The following CHD2 variants were observed in gnomAD, a reference collection of about 807,000 sequenced individuals.
CHD2 encodes the protein ATP-dependent chromatin remodeler CHD2.
CHD2 carries 28 observed loss-of-function variants against 243.9 expected under a neutral mutation model. The ratio of observed to expected loss-of-function variants is 0.11; its 90% CI spans 0.09 to 0.16. The LOEUF (loss-of-function observed/expected upper bound fraction) is 0.16, where lower values mean the gene tolerates loss of function less well. Ranked by LOEUF, CHD2 falls within the 10% of genes least tolerant of loss-of-function variation. The pLI is 1.00. For missense variants in CHD2, 1,386 were observed against 2,209.8 expected (o/e 0.63, Z 7.47); for synonymous variants, 775 against 779.0 (o/e 0.99, Z 0.09).
intron 2 of CHD2, among the ~76,000 whole-genome samples, chr15:92,920,775 C>T (rs895630584): frequency 6.6e-5 from 10 of 152,126 alleles, no homozygotes; most frequent in Admixed American, 3.3e-4. Flanking sequence ...AAACTAAATA[C>T]GTTATTTCAA....
chr15:93,027,714 C>T lies in CHD2; in HGVS notation c.*3009C>T, dbSNP rs1254031247. ...GTCTTCCGGCTCCTCTGAGGGCTGC[C>T]ACGTTGGGCGAGGGGAGCCATGCCA... On this transcript the variant is annotated 3_prime_UTR_variant, in exon 39 of 39. Coordinates refer to ENST00000394196, the MANE Select transcript of CHD2 (RefSeq NM_001271.4). 6.5e-6 allele frequency: 1 copy of T among 152,682 alleles called. No individual in the cohort carries two copies. Among genetic ancestry groups the T allele is most frequent in the Non-Finnish European group, 1.5e-5 (1 of 68,062 alleles). 9.5% of individuals were successfully genotyped at this position (152,682 alleles called of 1,614,324 possible). A position where few individuals can be genotyped will look rare whatever the true frequency, so the allele number is the denominator to read the frequency against.
intron 35 of CHD2, 30 bp downstream of exon 35, chr15:93,009,353 T>A: frequency 6.3e-7 from 1 of 1,599,780 alleles, no homozygotes; most frequent in East Asian, 2.2e-5. Flanking sequence ...CTGCCCAGTT[T>A]GATTTGACTG....
intron 17 of CHD2, among the ~76,000 whole-genome samples, chr15:92,968,463 T>G (rs535445993): frequency 6.6e-6 from 1 of 152,252 alleles, no homozygotes; most frequent in African/African-American, 2.4e-5. Context: ...AGTGTGACTT[T>G]AGAGGCAGAG....
chr15:92,953,176 A>G (rs527597625), intron 13 of CHD2, among the ~76,000 whole-genome samples, 181 bp from the exon 14 acceptor site: 1 of 152,294 alleles, frequency 6.6e-6, no homozygotes, highest in Admixed American at 6.5e-5. Flanking sequence ...TATGGTTTCT[A>G]CTTTCTTCCT....
chr15:92,945,703 T>C, intron 10 of CHD2, 118 bp from the exon 11 acceptor site: 1 of 602,754 alleles, frequency 1.7e-6, no homozygotes, highest in South Asian at 3.1e-5. Flanking sequence ...CCCATTTTTT[T>C]TTTTTCTTTT....
rs1392577379 is a variant in CHD2 at position 93,026,640 on chromosome 15, C to A, written c.*1935C>A. 4 of 152,304 alleles carry A rather than the reference C, an allele frequency of 2.6e-5. No homozygotes were observed. The highest frequency in any genetic ancestry group is 7.2e-5 in the African/African-American group (3 of 41,476). 9.4% of individuals were successfully genotyped at this position (152,304 alleles called of 1,614,324 possible). On this transcript the variant is annotated 3_prime_UTR_variant, in exon 39 of 39. Transcript: ENST00000394196. The stretch of plus-strand genomic sequence containing the variant: ...CCCATGGAGGGCCTGCCGTGACGCT[C>A]AGTGGAGAGGGCAGGGCCTGTGTCT...
chr15:92,951,656 G>A (rs2053555975), intron 13 of CHD2, among the ~76,000 whole-genome samples: 1 of 152,114 alleles, frequency 6.6e-6, no homozygotes, highest in African/African-American at 2.4e-5. Flanking sequence ...CATTTTCTAG[G>A]GGCAGGAAAT....
Position 92,943,073 on chromosome 15 carries a change from A to G in CHD2, c.1052+5A>G, listed in dbSNP as rs2053407371. Reference sequence around the variant, plus strand: ...AGAGGACGAAATCAAACAATGGTATATTTTCCATCATGGATTAAAGAAATG... The same window carrying G: ...AGAGGACGAAATCAAACAATGGTATGTTTTCCATCATGGATTAAAGAAATG... On this transcript the variant is annotated splice_donor_5th_base_variant and intron_variant, in intron 9 of 38. Coordinates refer to ENST00000394196, the MANE Select transcript of CHD2 (RefSeq NM_001271.4). 1.3e-6 allele frequency: 2 copies of G among 1,598,258 alleles called. No individual in the cohort carries two copies. Among genetic ancestry groups the G allele is most frequent in the South Asian group, 1.1e-5 (1 of 90,660 alleles).
chr15:93,015,936 A>G (rs2141889659), intron 37 of CHD2, among the ~76,000 whole-genome samples: 1 of 152,346 alleles, frequency 6.6e-6, no homozygotes, highest in Non-Finnish European at 1.5e-5. Flanking sequence ...CATTATGGAA[A>G]ACAATGCAGA....
rs558895083 is a variant in CHD2, at chr15:92,943,079, C to T, written c.1052+11C>T. 41 of 1,591,446 alleles carry T rather than the reference C, an allele frequency of 2.6e-5. No individual in the cohort carries two copies. In the South Asian group the frequency reaches 4.2e-4, roughly 16 times the overall value. On this transcript the variant is annotated intron_variant, in intron 9 of 38. Transcript: ENST00000394196. ...CGAAATCAAACAATGGTATATTTTC[C>T]ATCATGGATTAAAGAAATGTATTTG...
chr15:92,961,985 GATTATC>G (rs1433706283), intron 16 of CHD2, among the ~76,000 whole-genome samples: 2 of 140,428 alleles, frequency 1.4e-5, no homozygotes, highest in African/African-American at 5.2e-5. Flanking sequence ...AGTTTCAAGT[GATTATC>G]CTGCCTCAGC....
At chr15:92,918,813 A>G (rs986077526) in intron 2 of CHD2, among the ~76,000 whole-genome samples, 6 of 151,636 alleles carry the variant, frequency 4.0e-5, no homozygotes, top group African/African-American at 1.5e-4. Context: ...ACACACATAT[A>G]TACACATATA....
intron 2 of CHD2, among the ~76,000 whole-genome samples, chr15:92,909,919 G>C (rs973499608): frequency 6.6e-6 from 1 of 151,068 alleles, no homozygotes; most frequent in Non-Finnish European, 1.5e-5. Context: ...TCTGGGTAAG[G>C]GACTGTTTTA....
At chr15:93,024,345 C>G (rs373895666) in intron 38 of CHD2, 27 bp from the exon 39 acceptor site, 53 of 1,590,310 alleles carry the variant, frequency 3.3e-5, no homozygotes, top group Non-Finnish European at 4.5e-5. Context: ...TTCAGTCTTT[C>G]GACTAATCCT....
intron 38 of CHD2, chr15:93,020,664 C>T (rs2054523941): frequency 3.1e-6 from 1 of 319,244 alleles, no homozygotes; most frequent in South Asian, 5.8e-5. Flanking sequence ...TGAAGCTGCA[C>T]CCTCTTTACT....
At chr15:92,902,316 A>G (rs1054904552) in intron 2 of CHD2, 10 of 395,810 alleles carry the variant, frequency 2.5e-5, no homozygotes, top group Non-Finnish European at 4.0e-5. Flanking sequence ...ACCTCTGTAT[A>G]TTAATTTTTA....
intron 26 of CHD2, among the ~76,000 whole-genome samples, chr15:92,989,534 T>A (rs2054090206): frequency 6.6e-6 from 1 of 152,220 alleles, no homozygotes; most frequent in Non-Finnish European, 1.5e-5. Flanking sequence ...ATCCTTGTCA[T>A]GCTATGTGTA....
chr15:92,976,734 C>T (rs1186728426), intron 20 of CHD2, among the ~76,000 whole-genome samples: 1 of 151,012 alleles, frequency 6.6e-6, no homozygotes, highest in African/African-American at 2.4e-5. Context: ...GACCCTATCT[C>T]TACAAAAAAT....
intron 22 of CHD2, 113 bp from the exon 23 acceptor site, chr15:92,980,702 A>G (rs973463377): frequency 8.0e-5 from 56 of 696,204 alleles, no homozygotes; most frequent in South Asian, 5.8e-5. Context: ...TTCTTGAGGC[A>G]GAGTTTATAT....
Sources: allele counts gnomAD v4.1 joint callset (sites outside exome capture counted in the v4.1 genomes callset), GRCh38; gene constraint gnomAD v4.1.1; transcripts MANE v1.5; gene names NCBI Gene and HGNC (gene_info 2026-07-23, HGNC 2026-07-21).